Variants in PRKD3 observed in about 807,000 individuals in gnomAD.
PRKD3 encodes the protein serine/threonine-protein kinase D3.
A neutral mutation model predicts 99.2 loss-of-function variants in PRKD3; 47 were observed. The ratio of observed to expected loss-of-function variants is 0.47; its 90% CI spans 0.38 to 0.60. The LOEUF (loss-of-function observed/expected upper bound fraction) is 0.60. Among genes scored for constraint, PRKD3 ranks in the 20% least tolerant of loss-of-function variants. The pLI, the probability that PRKD3 is intolerant of heterozygous loss-of-function variation, is 0.00. For missense variants in PRKD3, 1,019 were observed against 1,088.4 expected (o/e 0.94, Z 0.90); for synonymous variants, 392 against 355.4 (o/e 1.10, Z -1.16).
intron 2 of PRKD3, among the ~76,000 whole-genome samples, chr2:37,314,148 A>C (rs1035618344): frequency 6.6e-6 from 1 of 152,166 alleles, no homozygotes; most frequent in Non-Finnish European, 1.5e-5. Flanking sequence ...GTCAATAAAG[A>C]TATAGAAGAT....
In PRKD3 at chr2:37,292,527, T is replaced by G. The variant is rs548791142; in HGVS notation, c.427+606A>C. On this transcript the variant is annotated intron_variant, in intron 3 of 18. Coordinates refer to ENST00000234179, the MANE Select transcript of PRKD3 (RefSeq NM_005813.6). ...CCTGGCCAAATTTTTTTTGTATTTT[T>G]AGTACAGACGGGGTTTCATCTTGTT... 1.3e-4 allele frequency among the ~76,000 whole-genome samples: 20 copies of G among 152,208 alleles called. No homozygotes were observed. The South Asian group carries it at 3.7e-3, about 28-fold the overall frequency.
chr2:37,319,888 G>T (rs1355100603), intron 1 of PRKD3, among the ~76,000 whole-genome samples: 4 of 152,182 alleles, frequency 2.6e-5, no homozygotes, highest in Non-Finnish European at 5.9e-5. Context: ...ATTTTATTCA[G>T]TATCACTGCA....
At chr2:37,286,005 G>A (rs1253382226) in intron 6 of PRKD3, among the ~76,000 whole-genome samples, 172 bp downstream of exon 6, 1 of 152,146 alleles carries the variant, frequency 6.6e-6, no homozygotes, top group African/African-American at 2.4e-5. Context: ...GCAGATAGTA[G>A]TAATAGTAGT....
At chr2:37,288,781 A>G (rs1446010002) in intron 5 of PRKD3, among the ~76,000 whole-genome samples, 1 of 152,166 alleles carries the variant, frequency 6.6e-6, no homozygotes, top group Non-Finnish European at 1.5e-5. Context: ...ATCTGCAGAT[A>G]GCAGTGCCTC....
intron 2 of PRKD3, among the ~76,000 whole-genome samples, chr2:37,296,377 T>C (rs952784585): frequency 6.6e-6 from 1 of 152,120 alleles, no homozygotes; most frequent in Non-Finnish European, 1.5e-5. Flanking sequence ...TACAGTGAGA[T>C]ATTACAAAAC....
chr2:37,297,884 C>T (rs1438957966), intron 2 of PRKD3, among the ~76,000 whole-genome samples: 2 of 152,126 alleles, frequency 1.3e-5, no homozygotes, highest in Non-Finnish European at 2.9e-5. Flanking sequence ...TGCAAAACTA[C>T]TCTCCCCCCA....
intron 13 of PRKD3, 28 bp from the exon 14 acceptor site, chr2:37,267,564 A>G: frequency 6.7e-7 from 1 of 1,503,368 alleles, no homozygotes; most frequent in Non-Finnish European, 9.2e-7. Context: ...AGAGGAACGA[A>G]TGAAGCAAAC....
At chr2:37,253,429 TTG>T in intron 18 of PRKD3, 79 bp from the exon 19 acceptor site, 3 of 1,313,358 alleles carry the variant, frequency 2.3e-6, no homozygotes, top group Non-Finnish European at 2.1e-6. Context: ...GTGTTTTTTT[TTG>T]TTGTTGTTTA....
chr2:37,291,161 T>C (rs1670404328), intron 3 of PRKD3, among the ~76,000 whole-genome samples, 162 bp from the exon 4 acceptor site: 1 of 152,226 alleles, frequency 6.6e-6, no homozygotes, highest in African/African-American at 2.4e-5. Flanking sequence ...TTTCAAACTC[T>C]AGTTTAGCAA....
At position 37,268,083 on chromosome 2, in the gene PRKD3, T is replaced by A. The variant is rs1019804740; in HGVS notation, c.1778-547A>T. 1.7e-5 allele frequency: 4 copies of A among 236,526 alleles called. No homozygotes were observed. The East Asian group carries it at 4.0e-4, about 24-fold the overall frequency. The allele number at this position is 236,526 out of a possible 1,614,324, so 14.7% of individuals were successfully genotyped here. Reference sequence around the variant, plus strand: ...TTTATTAATTCAAATTAACTAGTTATACCTATTATGTACTAGGTATGCCTT... The same window carrying A: ...TTTATTAATTCAAATTAACTAGTTAAACCTATTATGTACTAGGTATGCCTT... On this transcript the variant is annotated intron_variant, in intron 13 of 18. Transcript: ENST00000234179.
chr2:37,323,364 C>G (rs2192945), intron 1 of PRKD3, among the ~76,000 whole-genome samples: 1 of 151,680 alleles, frequency 6.6e-6, no homozygotes, highest in Admixed American at 6.6e-5. Flanking sequence ...GAACCTGGCT[C>G]GTCAAGGAGT....
chr2:37,254,725 C>T (rs1258441324), intron 17 of PRKD3, among the ~76,000 whole-genome samples: 3 of 152,170 alleles, frequency 2.0e-5, no homozygotes, highest in Non-Finnish European at 4.4e-5. Context: ...AACAGACTCT[C>T]TGATCCTCCC....
At chr2:37,296,498 T>TA (rs1389487723) in intron 2 of PRKD3, among the ~76,000 whole-genome samples, 2 of 151,658 alleles carry the variant, frequency 1.3e-5, no homozygotes, top group South Asian at 2.1e-4. Flanking sequence ...ACAGACAAAT[T>TA]AGAGTTCATA....
intron 2 of PRKD3, among the ~76,000 whole-genome samples, chr2:37,305,192 G>C (rs998228200): frequency 1.3e-5 from 2 of 152,090 alleles, no homozygotes; most frequent in African/African-American, 4.8e-5. Flanking sequence ...GGCATAACCT[G>C]AAAATTATAC....
intron 2 of PRKD3, among the ~76,000 whole-genome samples, chr2:37,301,645 C>A (rs994123985): frequency 6.6e-6 from 1 of 152,102 alleles, no homozygotes; most frequent in South Asian, 2.1e-4. Flanking sequence ...TCAAAAGGGG[C>A]GGGGGCAGAA....
chr2:37,296,304 C>T (rs893426654), intron 2 of PRKD3, among the ~76,000 whole-genome samples: 22 of 151,770 alleles, frequency 1.4e-4, no homozygotes, highest in African/African-American at 4.6e-4. Flanking sequence ...AAACACATGG[C>T]CTAATGAAAA....
At chr2:37,267,621 T>C in intron 13 of PRKD3, 85 bp from the exon 14 acceptor site, 1 of 991,984 alleles carries the variant, frequency 1.0e-6, no homozygotes, top group Non-Finnish European at 1.5e-6. Flanking sequence ...TTTATATGTA[T>C]TTACTCTTGA....
chr2:37,273,904 A>G (rs150757195), intron 11 of PRKD3, among the ~76,000 whole-genome samples: 1 of 152,174 alleles, frequency 6.6e-6, no homozygotes, highest in East Asian at 1.9e-4. Flanking sequence ...TGTTTCAGTG[A>G]TTTTTAAATA....
In PRKD3 at chr2:37,250,900, C is replaced by T. The variant is rs919607835; in HGVS notation, c.*2277G>A. The T allele has an allele frequency of 3.9e-5, 6 of 152,614 alleles. No homozygotes were observed. Among genetic ancestry groups the T allele is most frequent in the Non-Finnish European group, 7.3e-5 (5 of 68,038 alleles). 9.5% of individuals were successfully genotyped at this position (152,614 alleles called of 1,614,324 possible). ...AAAAGTTATGCAGGTTATACAGTAT[C>T]TGGAATAATCATTCAACTCCAGATT... is the stretch of plus-strand genomic sequence containing the variant. On this transcript the variant is annotated 3_prime_UTR_variant, in exon 19 of 19. Coordinates refer to ENST00000234179, the MANE Select transcript of PRKD3 (RefSeq NM_005813.6).
Sources: gnomAD v4.1 joint callset for allele counts (sites outside exome capture counted in the v4.1 genomes callset) on GRCh38, gnomAD v4.1.1 for gene constraint, MANE v1.5 for transcripts, NCBI Gene and HGNC (gene_info 2026-07-23, HGNC 2026-07-21) for gene names.